The following CDH13 variants were observed in gnomAD, a reference collection of about 807,000 sequenced individuals.
The protein encoded by CDH13 is cadherin 13.
CDH13 carries 24 observed loss-of-function variants against 63.8 expected under a neutral mutation model. That is an observed-to-expected ratio of 0.38 (90% CI 0.27 to 0.53). CDH13 has a LOEUF of 0.53. Among genes scored for constraint, CDH13 ranks in the 20% least tolerant of loss-of-function variants. The pLI is 0.85. For synonymous variants in CDH13, 503 were observed against 355.3 expected, an observed-to-expected ratio of 1.42 and a Z score of -4.67; for missense variants, 1,049 against 903.1, an observed-to-expected ratio of 1.16 and a Z score of -2.07.
At chr16:83,178,558 C>T (rs1567481071) in intron 4 of CDH13, among the ~76,000 whole-genome samples, 2 of 152,104 alleles carry the variant, frequency 1.3e-5, no homozygotes, top group South Asian at 2.1e-4. Context: ...GATCAGTGGG[C>T]CATTAAAATG....
At chr16:82,677,008 C>T (rs574098814) in intron 1 of CDH13, among the ~76,000 whole-genome samples, 27 of 152,320 alleles carry the variant, frequency 1.8e-4, no homozygotes, top group African/African-American at 5.8e-4. Context: ...CTCAGCCTCT[C>T]AAGTAGCTGG....
intron 3 of CDH13, among the ~76,000 whole-genome samples, chr16:83,118,332 C>T (rs1244374292): frequency 6.6e-6 from 1 of 152,206 alleles, no homozygotes; most frequent in Non-Finnish European, 1.5e-5. Context: ...GCAGCTGATG[C>T]ATGTCTGTTG....
At chr16:83,429,556 C>T (rs1158103009) in intron 6 of CDH13, among the ~76,000 whole-genome samples, 1 of 151,412 alleles carries the variant, frequency 6.6e-6, no homozygotes, top group African/African-American at 2.4e-5. Context: ...TTGAAGATGA[C>T]CCAAAAGAGA....
chr16:82,733,695 G>A (rs959109146), intron 1 of CDH13, among the ~76,000 whole-genome samples: 2 of 152,146 alleles, frequency 1.3e-5, no homozygotes, highest in Non-Finnish European at 2.9e-5. Context: ...TCTCCAGGGG[G>A]TCTTTTAGTA....
At chr16:83,482,468 C>T (rs1333835685) in intron 6 of CDH13, among the ~76,000 whole-genome samples, 2 of 152,242 alleles carry the variant, frequency 1.3e-5, no homozygotes, top group African/African-American at 4.8e-5. Flanking sequence ...TCTGGGGAAA[C>T]CTTGCTTTGC....
chr16:83,339,518 C>A (rs2090675375), intron 5 of CDH13, among the ~76,000 whole-genome samples: 2 of 152,096 alleles, frequency 1.3e-5, no homozygotes, highest in African/African-American at 2.4e-5. Flanking sequence ...TAATCTGCAC[C>A]AAGATCCTGC....
intron 5 of CDH13, among the ~76,000 whole-genome samples, chr16:83,317,994 T>C (rs1272509263): frequency 6.6e-6 from 1 of 152,146 alleles, no homozygotes; most frequent in Non-Finnish European, 1.5e-5. Flanking sequence ...AGATTTGGCT[T>C]GTAGAGTTTA....
chr16:83,057,694 C>G (rs76589718), intron 3 of CDH13, among the ~76,000 whole-genome samples: 2 of 151,952 alleles, frequency 1.3e-5, no homozygotes, highest in African/African-American at 4.8e-5. Context: ...TGGCCATTCC[C>G]TTTGACCTGA....
chr16:83,095,467 C>T (rs1168702256), intron 3 of CDH13, among the ~76,000 whole-genome samples: 2 of 152,216 alleles, frequency 1.3e-5, no homozygotes, highest in African/African-American at 4.8e-5. Context: ...CATACCTATC[C>T]TCACCCTGCT....
intron 5 of CDH13, among the ~76,000 whole-genome samples, chr16:83,301,013 T>C (rs190454903): frequency 6.8e-6 from 1 of 146,550 alleles, no homozygotes; most frequent in African/African-American, 2.5e-5. Flanking sequence ...CTGATACATA[T>C]AACTTTCTGG....
intron 6 of CDH13, among the ~76,000 whole-genome samples, chr16:83,360,466 T>C (rs928516030): frequency 2.0e-5 from 3 of 151,828 alleles, no homozygotes; most frequent in African/African-American, 7.3e-5. Flanking sequence ...TTCTATAATC[T>C]CAACCTTTTT....
intron 5 of CDH13, among the ~76,000 whole-genome samples, chr16:83,287,393 C>T (rs1414751544): frequency 6.6e-6 from 1 of 152,216 alleles, no homozygotes; most frequent in East Asian, 1.9e-4. Context: ...AGCAGGCAAG[C>T]AAGCAAGCCA....
intron 5 of CDH13, among the ~76,000 whole-genome samples, chr16:83,238,614 T>C (rs988684151): frequency 1.3e-5 from 2 of 152,166 alleles, no homozygotes; most frequent in Middle Eastern, 3.2e-3. Flanking sequence ...CTTTGTTTCT[T>C]ACCTAGGTTG....
At chr16:82,641,397 TAC>T (rs1475734996) in intron 1 of CDH13, among the ~76,000 whole-genome samples, 2 of 152,242 alleles carry the variant, frequency 1.3e-5, no homozygotes, top group African/African-American at 4.8e-5. Flanking sequence ...TTGCCACCAT[TAC>T]ATGTTACTGG....
chr16:83,718,479 C>T (rs1046505312), intron 10 of CDH13, among the ~76,000 whole-genome samples: 1 of 152,148 alleles, frequency 6.6e-6, no homozygotes, highest in Admixed American at 6.5e-5. Flanking sequence ...GGGGTTGCTA[C>T]CTCTATGGAT....
At chr16:83,646,712 A>AAAACCACAC (rs1168012793) in intron 8 of CDH13, among the ~76,000 whole-genome samples, 1 of 80,490 alleles carries the variant, frequency 1.2e-5, no homozygotes, top group Non-Finnish European at 2.4e-5. Context: ...AAAAAAAAAA[A>AAAACCACAC]ACACACACAC....
chr16:83,190,166 G>C (rs1177719673), intron 4 of CDH13, among the ~76,000 whole-genome samples: 2 of 152,274 alleles, frequency 1.3e-5, no homozygotes, highest in Non-Finnish European at 2.9e-5. Flanking sequence ...GTATAACATT[G>C]GGCAAATGCC....
At chr16:83,538,602 T>C (rs1198145427) in intron 7 of CDH13, among the ~76,000 whole-genome samples, 1 of 152,230 alleles carries the variant, frequency 6.6e-6, no homozygotes, top group Non-Finnish European at 1.5e-5. Context: ...GGAAGTATGA[T>C]AGAGCCATAG....
At chr16:82,712,966 A>G (rs563417355) in intron 1 of CDH13, among the ~76,000 whole-genome samples, 2 of 151,950 alleles carry the variant, frequency 1.3e-5, no homozygotes, top group African/African-American at 2.4e-5. Flanking sequence ...ATTTCTCTCT[A>G]TTGACCCTCA....
Sources: gnomAD v4.1 joint callset for allele counts (sites outside exome capture counted in the v4.1 genomes callset) on GRCh38, gnomAD v4.1.1 for gene constraint, MANE v1.5 for transcripts, NCBI Gene and HGNC (gene_info 2026-07-23, HGNC 2026-07-21) for gene names.